GALNTL6: variants seen among roughly 807,000 people sequenced by gnomAD.
The protein encoded by GALNTL6 is polypeptide N-acetylgalactosaminyltransferase like 6, also known as polypeptide N-acetylgalactosaminyltransferase-like 6.
GALNTL6 carries 46 observed loss-of-function variants against 73.7 expected under a neutral mutation model. The ratio of observed to expected loss-of-function variants is 0.62; its 90% confidence interval spans 0.49 to 0.80. The LOEUF (loss-of-function observed/expected upper bound fraction) is 0.80, where lower values mean the gene tolerates loss of function less well. Among genes scored for constraint, GALNTL6 ranks in the 30% least tolerant of loss-of-function variants. The pLI, the probability that GALNTL6 is intolerant of heterozygous loss-of-function variation, is 0.00. For missense variants in GALNTL6, 604 were observed against 755.0 expected (o/e 0.80, Z 2.34); for synonymous variants, 259 against 263.7 (o/e 0.98, Z 0.17).
In GALNTL6 at chr4:171,989,498, A is replaced by G. The variant is rs376062788; in HGVS notation, c.138+174780A>G. On this transcript the variant is annotated intron_variant, in intron 2 of 12. Transcript: ENST00000506823. The stretch of plus-strand genomic sequence containing the variant: ...GCCAGATTTCCGGCACTTGTAGCAA[A>G]CTCCTGGGAGAGGAGGTTCTGGAGG... 1.2e-3 allele frequency among the ~76,000 whole-genome samples: 183 copies of G among 150,630 alleles called. 3 individuals are homozygous for G. In the East Asian group the frequency reaches 0.021, roughly 18 times the overall value.
At chr4:172,861,960 C>T (rs1579578309) in intron 7 of GALNTL6, among the ~76,000 whole-genome samples, 2 of 152,160 alleles carry the variant, frequency 1.3e-5, no homozygotes, top group South Asian at 4.2e-4. Flanking sequence ...TAAATTGGTA[C>T]CGATAGAATG....
chr4:172,966,522 G>A (rs546077170), intron 10 of GALNTL6, among the ~76,000 whole-genome samples: 1 of 152,190 alleles, frequency 6.6e-6, no homozygotes, highest in South Asian at 2.1e-4. Context: ...AGCTTCCCAA[G>A]TAGCTGGGAT....
intron 2 of GALNTL6, among the ~76,000 whole-genome samples, chr4:172,094,750 T>C (rs187935553): frequency 3.9e-5 from 6 of 152,250 alleles, no homozygotes; most frequent in African/African-American, 1.4e-4. Flanking sequence ...CTTTCACTAT[T>C]ACACTAAGAT....
At chr4:172,299,937 C>G (rs1455540490) in intron 3 of GALNTL6, among the ~76,000 whole-genome samples, 2 of 152,072 alleles carry the variant, frequency 1.3e-5, no homozygotes, top group Non-Finnish European at 2.9e-5. Flanking sequence ...AACTTTCTGT[C>G]TTGTTGATCT....
intron 2 of GALNTL6, among the ~76,000 whole-genome samples, chr4:172,080,994 T>C (rs578031647): frequency 9.8e-5 from 15 of 152,304 alleles, no homozygotes; most frequent in Non-Finnish European, 1.9e-4. Flanking sequence ...CCCCTTCATA[T>C]GGCAGCCATT....
chr4:172,845,366 C>A (rs1400955622), intron 7 of GALNTL6, among the ~76,000 whole-genome samples: 3 of 152,082 alleles, frequency 2.0e-5, no homozygotes, highest in Non-Finnish European at 4.4e-5. Flanking sequence ...TCCAGGAACA[C>A]AGCATTTTGT....
intron 3 of GALNTL6, among the ~76,000 whole-genome samples, chr4:172,260,170 G>A (rs1479427862): frequency 6.6e-6 from 1 of 151,558 alleles, no homozygotes; most frequent in Non-Finnish European, 1.5e-5. Context: ...CATTGAATCT[G>A]TAGATTGCTT....
intron 10 of GALNTL6, among the ~76,000 whole-genome samples, chr4:172,971,521 A>G (rs1372824358): frequency 6.6e-6 from 1 of 152,196 alleles, no homozygotes; most frequent in Non-Finnish European, 1.5e-5. Context: ...ACAAGTAACA[A>G]GTGGGGAAAG....
chr4:172,106,606 T>G (rs1732680913), intron 2 of GALNTL6, among the ~76,000 whole-genome samples: 1 of 152,160 alleles, frequency 6.6e-6, no homozygotes, highest in Non-Finnish European at 1.5e-5. Context: ...AATTATCTAT[T>G]TCCTGGATGA....
At chr4:172,356,294 C>T (rs1442472306) in intron 5 of GALNTL6, among the ~76,000 whole-genome samples, 1 of 152,150 alleles carries the variant, frequency 6.6e-6, no homozygotes, top group African/African-American at 2.4e-5. Context: ...GCAGGCATAA[C>T]TTTCTTTGAT....
At chr4:172,808,027 C>T (rs1395608450) in intron 5 of GALNTL6, among the ~76,000 whole-genome samples, 2 of 152,014 alleles carry the variant, frequency 1.3e-5, no homozygotes, top group African/African-American at 2.4e-5. Flanking sequence ...TTCACCATGT[C>T]GGTCAGGCTG....
At chr4:172,930,345 G>C (rs1187085963) in intron 8 of GALNTL6, among the ~76,000 whole-genome samples, 1 of 152,050 alleles carries the variant, frequency 6.6e-6, no homozygotes, top group African/African-American at 2.4e-5. Flanking sequence ...CAGTGGCGGG[G>C]GGAGAAATGA....
At chr4:172,342,073 C>G (rs7679586) in intron 4 of GALNTL6, among the ~76,000 whole-genome samples, 7 of 151,958 alleles carry the variant, frequency 4.6e-5, no homozygotes, top group African/African-American at 1.7e-4. Flanking sequence ...ATATTAGTGG[C>G]TGTTAGAGCC....
At chr4:172,864,649 G>C (rs1744572232) in intron 7 of GALNTL6, among the ~76,000 whole-genome samples, 1 of 152,074 alleles carries the variant, frequency 6.6e-6, no homozygotes, top group Non-Finnish European at 1.5e-5. Flanking sequence ...AAGATAAAAT[G>C]GGAAAGTGAT....
intron 2 of GALNTL6, among the ~76,000 whole-genome samples, chr4:171,857,979 G>A (rs146174576): frequency 1.8e-3 from 267 of 152,216 alleles, no homozygotes; most frequent in Admixed American, 8.8e-3. Context: ...GAAAGACATC[G>A]GTGCTTAGAT....
rs368296369 is a variant in GALNTL6, at chr4:172,908,966, AATG to A, written c.1042-22192_1042-22190del. On this transcript the variant is annotated intron_variant, in intron 8 of 12. Coordinates refer to ENST00000506823, the MANE Select transcript of GALNTL6 (RefSeq NM_001034845.3). Reference sequence around the variant, plus strand: ...AATAATAAGAAAATTTTGGAGAAAAAATGATAAGGGGCTAATCACAACAAATAA... The same window carrying A: ...AATAATAAGAAAATTTTGGAGAAAAAATAAGGGGCTAATCACAACAAATAA... Among the ~76,000 whole-genome samples the A allele has an allele frequency of 1.2e-4, 18 of 151,978 alleles. No homozygotes were observed. The South Asian group carries it at 3.5e-3, about 30-fold the overall frequency.
At chr4:172,648,777 G>C (rs1740353746) in intron 5 of GALNTL6, among the ~76,000 whole-genome samples, 1 of 152,100 alleles carries the variant, frequency 6.6e-6, no homozygotes, top group Non-Finnish European at 1.5e-5. Flanking sequence ...TTGCATTCTA[G>C]GCCTTTTCTC....
chr4:173,029,922 CAA>C (rs773858316), intron 12 of GALNTL6, among the ~76,000 whole-genome samples: 5 of 152,160 alleles, frequency 3.3e-5, no homozygotes, highest in Non-Finnish European at 7.3e-5. Context: ...GATCCCAGTG[CAA>C]AGTCAAGCAC....
At chr4:172,909,640 G>A (rs1234915438) in intron 8 of GALNTL6, among the ~76,000 whole-genome samples, 1 of 152,068 alleles carries the variant, frequency 6.6e-6, no homozygotes, top group Non-Finnish European at 1.5e-5. Context: ...GCAATGTGTT[G>A]TTTTAGAGAA....
Sources: gnomAD v4.1 joint callset for allele counts (sites outside exome capture counted in the v4.1 genomes callset) on GRCh38, gnomAD v4.1.1 for gene constraint, MANE v1.5 for transcripts, NCBI Gene and HGNC (gene_info 2026-07-23, HGNC 2026-07-21) for gene names.